The following ZMAT3 variants were observed in gnomAD, a reference collection of about 807,000 sequenced individuals.
ZMAT3 encodes zinc finger matrin-type 3.
Under a neutral mutation model 32.3 loss-of-function variants are expected in ZMAT3, and 17 were observed. The ratio of observed to expected loss-of-function variants is 0.53; its 90% CI spans 0.36 to 0.79. The LOEUF (loss-of-function observed/expected upper bound fraction) is 0.79. ZMAT3 is among the 30% of genes least tolerant of loss of function. The pLI, the probability that ZMAT3 is intolerant of heterozygous loss-of-function variation, is 0.00. For synonymous variants in ZMAT3, 120 were observed against 133.1 expected (o/e 0.90, Z 0.68); for missense variants, 329 against 359.7 (o/e 0.91, Z 0.69).
intron 1 of ZMAT3, 33 bp from the exon 2 acceptor site, chr3:179,067,842 C>A (rs1027780539): frequency 1.2e-4 from 189 of 1,514,764 alleles, no homozygotes; most frequent in Non-Finnish European, 1.7e-4. Context: ...GAAAAAAAAA[C>A]TCACTTGAAA....
At chr3:179,052,222 G>C in intron 2 of ZMAT3, among the ~76,000 whole-genome samples, 1 of 151,148 alleles carries the variant, frequency 6.6e-6, no homozygotes, top group South Asian at 2.1e-4. Context: ...CCATAGAGTA[G>C]GAGAAAATTT....
Position 179,024,970 on chromosome 3 carries a change from G to A in ZMAT3, c.*47C>T. ...CACAAAGCAGGGCAAGTTGACAAAAGGCAAACAACAGGCAGGAAAAGCTGC... is the reference window on the plus strand; with the variant it reads ...CACAAAGCAGGGCAAGTTGACAAAAAGCAAACAACAGGCAGGAAAAGCTGC... On this transcript the variant is annotated 3_prime_UTR_variant, in exon 6 of 6. Coordinates refer to ENST00000311417, the MANE Select transcript of ZMAT3 (RefSeq NM_022470.4). The A allele has an allele frequency of 6.3e-7, 1 of 1,583,992 alleles. No homozygotes were observed. Among genetic ancestry groups the A allele is most frequent in the South Asian group, 1.1e-5 (1 of 90,198 alleles).
Position 179,027,541 on chromosome 3 carries a change from A to G in ZMAT3, c.558-18T>C. The G allele has an allele frequency of 6.2e-7, 1 of 1,614,180 alleles. No individual in the cohort carries two copies. The highest frequency in any genetic ancestry group is 8.5e-7 in the Non-Finnish European group (1 of 1,180,004). On this transcript the variant is annotated intron_variant, in intron 4 of 5. Coordinates refer to ENST00000311417, the MANE Select transcript of ZMAT3 (RefSeq NM_022470.4). ...AGGATTCCCTGGAGAAAAGAAGTTT[A>G]AAAAAGAGTGAGTCTTCTAAACAAG...
chr3:179,035,698 T>C (rs1304188208), intron 2 of ZMAT3, among the ~76,000 whole-genome samples: 1 of 152,196 alleles, frequency 6.6e-6, no homozygotes, highest in African/African-American at 2.4e-5. Context: ...TCCCAATGCC[T>C]AGAATAGTTT....
At chr3:179,070,994 T>G (rs1721680250) in intron 1 of ZMAT3, among the ~76,000 whole-genome samples, 1 of 151,978 alleles carries the variant, frequency 6.6e-6, no homozygotes, top group Non-Finnish European at 1.5e-5. Context: ...AGTCTGTAAT[T>G]GGGAATTCTG....
chr3:179,068,862 G>A (rs1721561634), intron 1 of ZMAT3, among the ~76,000 whole-genome samples: 1 of 152,142 alleles, frequency 6.6e-6, no homozygotes, highest in South Asian at 2.1e-4. Flanking sequence ...AGAGATTCAT[G>A]GCTTCTCTTG....
At chr3:179,065,049 AAG>A (rs1182196383) in intron 2 of ZMAT3, among the ~76,000 whole-genome samples, 2 of 152,208 alleles carry the variant, frequency 1.3e-5, no homozygotes, top group African/African-American at 4.8e-5. Context: ...TTCTCTCTTT[AAG>A]AGTTACCAAT....
At chr3:179,056,738 C>A (rs377722826) in intron 2 of ZMAT3, among the ~76,000 whole-genome samples, 2 of 152,212 alleles carry the variant, frequency 1.3e-5, no homozygotes, top group South Asian at 4.1e-4. Context: ...CTGTCCCAGA[C>A]AACTGTCCTC....
Position 179,037,553 on chromosome 3 carries a change from T to C in ZMAT3, c.271-6554A>G, listed in dbSNP as rs143237806. On this transcript the variant is annotated intron_variant, in intron 2 of 5. Transcript: ENST00000311417. The stretch of plus-strand genomic sequence containing the variant: ...AGTGGGCGGAGTGAGCTCGGTGGAA[T>C]GAGGCCCCAGGCAGAGGACACAGCA... Among the ~76,000 whole-genome samples, 17 of 152,156 alleles carry C rather than the reference T, an allele frequency of 1.1e-4. No individual in the cohort carries two copies. The East Asian group carries it at 3.3e-3, about 30-fold the overall frequency.
intron 2 of ZMAT3, among the ~76,000 whole-genome samples, chr3:179,055,030 C>T (rs947897930): frequency 7.9e-5 from 12 of 152,088 alleles, no homozygotes; most frequent in African/African-American, 2.4e-4. Flanking sequence ...TCAGAGAACA[C>T]GAGGCTTGCC....
Position 179,022,709 on chromosome 3 carries a change from T to C in ZMAT3, c.*2308A>G, listed in dbSNP as rs1038654228. On this transcript the variant is annotated 3_prime_UTR_variant, in exon 6 of 6. Transcript: ENST00000311417. The stretch of plus-strand genomic sequence containing the variant: ...TAGATAGAATCCTAACAGAATAGTA[T>C]TTGATTCTTCTGTTTCTGGGAGAAG... 1 of 151,938 alleles carries C rather than the reference T, an allele frequency of 6.6e-6. No individual in the cohort carries two copies. Among genetic ancestry groups the C allele is most frequent in the African/African-American group, 2.4e-5 (1 of 41,390 alleles). The allele number at this position is 151,938 out of a possible 1,614,324, so 9.4% of individuals were successfully genotyped here. A position where few individuals can be genotyped will look rare whatever the true frequency, so the allele number is the denominator to read the frequency against.
At chr3:179,054,175 C>T (rs1034288497) in intron 2 of ZMAT3, among the ~76,000 whole-genome samples, 1 of 152,210 alleles carries the variant, frequency 6.6e-6, no homozygotes, top group Non-Finnish European at 1.5e-5. Context: ...AGAGCTGGGA[C>T]AATCTGGTTC....
At position 179,023,059 on chromosome 3, in the gene ZMAT3, T is replaced by G. The variant is rs1239360574; in HGVS notation, c.*1958A>C. 6.6e-6 allele frequency: 1 copy of G among 152,176 alleles called. No individual in the cohort carries two copies. Among genetic ancestry groups the G allele is most frequent in the Non-Finnish European group, 1.5e-5 (1 of 68,034 alleles). The allele number at this position is 152,176 out of a possible 1,614,324, so 9.4% of individuals were successfully genotyped here. Reference sequence around the variant, plus strand: ...AGTGGGCTTTCAAAAGAAATACGGATGACCACTGGTCTTACCCATATAAAA... The same window carrying G: ...AGTGGGCTTTCAAAAGAAATACGGAGGACCACTGGTCTTACCCATATAAAA... On this transcript the variant is annotated 3_prime_UTR_variant, in exon 6 of 6. Transcript: ENST00000311417.
chr3:179,065,374 CTACA>C (rs1721355534), intron 2 of ZMAT3, among the ~76,000 whole-genome samples: 1 of 152,200 alleles, frequency 6.6e-6, no homozygotes, highest in South Asian at 2.1e-4. Context: ...ATCTTGTCAA[CTACA>C]TAGTTTAGAA....
At chr3:179,067,868 G>A (rs986377635) in intron 1 of ZMAT3, 59 bp from the exon 2 acceptor site, 5 of 1,426,080 alleles carry the variant, frequency 3.5e-6, no homozygotes, top group South Asian at 2.8e-5. Context: ...ACTTCAGCAA[G>A]ATAACATGTA....
chr3:179,062,875 G>A (rs573479317), intron 2 of ZMAT3, among the ~76,000 whole-genome samples: 1 of 152,286 alleles, frequency 6.6e-6, no homozygotes, highest in Admixed American at 6.5e-5. Flanking sequence ...TTACTATCAA[G>A]GTAGTAACAA....
At chr3:179,072,142 C>G (rs990935859), upstream of ZMAT3, 2 of 152,574 alleles carry the variant, frequency 1.3e-5, no homozygotes, top group African/African-American at 4.8e-5. Context: ...CATCTCCAGT[C>G]ATTGGGATCC....
At chr3:179,051,695 ACCAAAAAAGAGCCTGCATAG>A (rs1261767052) in intron 2 of ZMAT3, among the ~76,000 whole-genome samples, 2 of 152,198 alleles carry the variant, frequency 1.3e-5, no homozygotes. Context: ...TTTATATGGA[ACCAAAAAAGAGCCTGCATAG>A]CCAAAGCAAG....
At chr3:179,051,635 G>A (rs1300341989) in intron 2 of ZMAT3, among the ~76,000 whole-genome samples, 1 of 151,964 alleles carries the variant, frequency 6.6e-6, no homozygotes, top group Admixed American at 6.6e-5. Flanking sequence ...CAAATTCAAT[G>A]CAATTCTCAT....
Sources: gnomAD v4.1 joint callset for allele counts (sites outside exome capture counted in the v4.1 genomes callset) on GRCh38, gnomAD v4.1.1 for gene constraint, MANE v1.5 for transcripts, NCBI Gene and HGNC (gene_info 2026-07-23, HGNC 2026-07-21) for gene names.